ESCO2: variants seen among roughly 807,000 people sequenced by gnomAD.
ESCO2 encodes establishment of sister chromatid cohesion N-acetyltransferase 2.
A neutral mutation model predicts 61.7 loss-of-function variants in ESCO2; 51 were observed. The observed-to-expected ratio is 0.83, with a 90% CI of 0.66 to 1.04. The LOEUF is 1.04. ESCO2 is among the 50% of genes least tolerant of loss of function. The pLI is 0.00. For missense variants in ESCO2, 692 were observed against 686.2 expected (o/e 1.01, Z -0.09); for synonymous variants, 230 against 238.2 (o/e 0.97, Z 0.32).
chr8:27,775,654 C>T, intron 2 of ESCO2, 87 bp downstream of exon 2: 2 of 1,261,496 alleles, frequency 1.6e-6, no homozygotes, highest in Non-Finnish European at 2.3e-6. Context: ...AATTTTCGTT[C>T]TTCCACTAGC....
chr8:27,806,640 A>G (rs1332910193), downstream of ESCO2, among the ~76,000 whole-genome samples: 4 of 144,100 alleles, frequency 2.8e-5, no homozygotes, highest in Non-Finnish European at 3.0e-5. Flanking sequence ...TTTTTTTTAG[A>G]CGGAGTTTTG....
chr8:27,772,682 C>T (rs1804678410), upstream of ESCO2: 8 of 743,466 alleles, frequency 1.1e-5, no homozygotes, highest in Middle Eastern at 4.0e-4. Context: ...CGTCATAACG[C>T]CGGCCGTGGG....
chr8:27,803,295 TTC>T lies in ESCO2; in HGVS notation c.1674-7_1674-6del. 6.2e-7 allele frequency: 1 copy of T among 1,613,476 alleles called. No individual in the cohort carries two copies. Among genetic ancestry groups the T allele is most frequent in the Non-Finnish European group, 8.5e-7 (1 of 1,179,436 alleles). Reference sequence around the variant, plus strand: ...GCTTCCATCATTAAATCATCTTTTCTTCTCTTTTAGGAATTGCTTCATGTTTG... The same window carrying T: ...GCTTCCATCATTAAATCATCTTTTCTTCTTTTAGGAATTGCTTCATGTTTG... On this transcript the variant is annotated splice_polypyrimidine_tract_variant and intron_variant, in intron 10 of 10. Coordinates refer to ENST00000305188, the MANE Select transcript of ESCO2 (RefSeq NM_001017420.3).
In ESCO2 at chr8:27,803,518, T is replaced by G; in HGVS notation, c.*80T>G. ...ATTATAAAATACAAACTATTTAATATCAAAATAAAAAATACCGAGACTCAC... is the reference window on the plus strand; with the variant it reads ...ATTATAAAATACAAACTATTTAATAGCAAAATAAAAAATACCGAGACTCAC... On this transcript the variant is annotated 3_prime_UTR_variant, in exon 11 of 11. Coordinates refer to ENST00000305188, the MANE Select transcript of ESCO2 (RefSeq NM_001017420.3). 1 of 1,549,266 alleles carries G rather than the reference T, an allele frequency of 6.5e-7. No homozygotes were observed. Among genetic ancestry groups the G allele is most frequent in the Non-Finnish European group, 8.7e-7 (1 of 1,151,388 alleles).
chr8:27,786,756 G>C (rs1361409671), intron 5 of ESCO2, among the ~76,000 whole-genome samples: 2 of 147,476 alleles, frequency 1.4e-5, no homozygotes, highest in Non-Finnish European at 3.0e-5. Context: ...GCTTGACTTA[G>C]CTTAATGCAG....
chr8:27,804,969 G>A lies in ESCO2; in HGVS notation c.*1531G>A, dbSNP rs966832362. On this transcript the variant is annotated 3_prime_UTR_variant, in exon 11 of 11. Transcript: ENST00000305188. Reference sequence around the variant, plus strand: ...TGTTAAATAAAATTCAGATAATACAGAAATAGAGATTGCCAAAAGAAGAGG... The same window carrying A: ...TGTTAAATAAAATTCAGATAATACAAAAATAGAGATTGCCAAAAGAAGAGG... 1 of 309,118 alleles carries A rather than the reference G, an allele frequency of 3.2e-6. No homozygotes were observed. The highest frequency in any genetic ancestry group is 4.7e-6 in the Non-Finnish European group (1 of 212,522). The allele number at this position is 309,118 out of a possible 1,614,324, so 19.1% of individuals were successfully genotyped here.
At chr8:27,790,040 T>G (rs1242058627) in intron 7 of ESCO2, among the ~76,000 whole-genome samples, 1 of 152,232 alleles carries the variant, frequency 6.6e-6, no homozygotes, top group Non-Finnish European at 1.5e-5. Context: ...TGCTTCAAAT[T>G]TGACAGCTTT....
chr8:27,787,808 C>G, intron 5 of ESCO2, 77 bp from the exon 6 acceptor site: 1 of 1,129,936 alleles, frequency 8.9e-7, no homozygotes, highest in Non-Finnish European at 1.3e-6. Flanking sequence ...GCAAGGTACT[C>G]TGATAAATGG....
Position 27,804,630 on chromosome 8 carries a change from A to ACT in ESCO2, c.*1195_*1196dup. 1.0e-6 allele frequency: 1 copy of ACT among 985,318 alleles called. No homozygotes were observed. The highest frequency in any genetic ancestry group is 4.7e-5 in the South Asian group (1 of 21,274). The allele number at this position is 985,318 out of a possible 1,614,324, so 61.0% of individuals were successfully genotyped here. On this transcript the variant is annotated 3_prime_UTR_variant, in exon 11 of 11. Transcript: ENST00000305188. The stretch of plus-strand genomic sequence containing the variant: ...CATTCAACTGCTAACTGGCAATAAG[A>ACT]CTCTAGGCAAGTCGTTTTCCAGATT...
downstream of ESCO2, among the ~76,000 whole-genome samples, chr8:27,816,359 T>TATATATATATA (rs1563489324): frequency 8.0e-3 from 1,007 of 126,460 alleles, 19 homozygotes; most frequent in East Asian, 0.038. Flanking sequence ...ATATATATAT[T>TATATATATATA]TATTTATTTA....
At chr8:27,790,565 C>CAAA (rs72583862) in intron 7 of ESCO2, among the ~76,000 whole-genome samples, 129,485 of 151,832 alleles carry the variant, frequency 0.85, 55,434 homozygotes, top group East Asian at 1. Context: ...ACAAAGAAAA[C>CAAA]ATTTTTATTT....
At chr8:27,789,696 G>A (rs544902953) in intron 7 of ESCO2, among the ~76,000 whole-genome samples, 6 of 151,104 alleles carry the variant, frequency 4.0e-5, no homozygotes, top group Admixed American at 1.3e-4. Flanking sequence ...CAGGAGAATC[G>A]CCTGAACCCA....
chr8:27,808,684 C>CAAAAAA (rs34162059), downstream of ESCO2, among the ~76,000 whole-genome samples: 723 of 106,442 alleles, frequency 6.8e-3, 13 homozygotes, highest in East Asian at 0.074. Context: ...GACCCTGTCT[C>CAAAAAA]AAAAAAAAAA....
intron 2 of ESCO2, 116 bp from the exon 3 acceptor site, chr8:27,776,246 T>TG (rs750402872): frequency 6.3e-5 from 48 of 762,790 alleles, no homozygotes; most frequent in East Asian, 3.0e-4. Context: ...ATTGTGTGTA[T>TG]GGGGGGTACA....
chr8:27,792,680 C>A lies in ESCO2; in HGVS notation c.1366C>A (p.Gln456Lys), dbSNP rs759551538. 1.2e-6 allele frequency: 2 copies of A among 1,612,234 alleles called. No individual in the cohort carries two copies. The highest frequency in any genetic ancestry group is 1.7e-6 in the Non-Finnish European group (2 of 1,179,576). Residue 456 changes from glutamine (Q) to lysine (K), a missense_variant, in exon 9 of 11, where the codon CAA becomes AAA. Physicochemically the swap from Gln to Lys is moderately conservative, Grantham distance 53. Coordinates refer to ENST00000305188, the MANE Select transcript of ESCO2 (RefSeq NM_001017420.3). ...SFAIKKVEDV[Q>K]ELVDNELGFQ... ...TTAAAATCATTAGGTAGAAGATGTC[C>A]AAGAACTTGTTGATAATGAATTGGG...
downstream of ESCO2, chr8:27,810,948 G>T: frequency 6.8e-7 from 1 of 1,480,044 alleles, no homozygotes; most frequent in East Asian, 2.3e-5. Flanking sequence ...GTTAGAAATT[G>T]TATTCATACC....
rs1163973507 is a variant in ESCO2, at chr8:27,776,819, ATC to A, written c.513_514del (p.Tyr172Ter). 2 of 1,614,038 alleles carry A rather than the reference ATC, an allele frequency of 1.2e-6. No individual in the cohort carries two copies. Among genetic ancestry groups the A allele is most frequent in the Non-Finnish European group, 1.7e-6 (2 of 1,180,046 alleles). ...TAGAAATTCCAAGCAAAATCGAGTG[ATC>A]TATAAGCCAATTGTGGAGAAGGAAA... Reference protein sequence around the residue: ...NSRNSKQNRVIYKPIVEKENN... With the variant: ...NSRNSKQNRVXYKPIVEKENN... On this transcript the variant is annotated frameshift_variant, in exon 3 of 11. Coordinates refer to ENST00000305188, the MANE Select transcript of ESCO2 (RefSeq NM_001017420.3). LOFTEE classifies it high-confidence loss of function.
At chr8:27,791,622 C>T (rs1006614223) in intron 7 of ESCO2, among the ~76,000 whole-genome samples, 2 of 152,124 alleles carry the variant, frequency 1.3e-5, no homozygotes, top group Admixed American at 6.6e-5. Context: ...TACCCCTCCC[C>T]TACCTGCCCA....
chr8:27,786,313 T>A (rs921861210), intron 5 of ESCO2, among the ~76,000 whole-genome samples: 4 of 152,212 alleles, frequency 2.6e-5, no homozygotes, highest in African/African-American at 9.6e-5. Flanking sequence ...TTTATATTTA[T>A]TGGGTAGAAA....
Sources: allele counts gnomAD v4.1 joint callset (sites outside exome capture counted in the v4.1 genomes callset), GRCh38; gene constraint gnomAD v4.1.1; transcripts MANE v1.5; gene names NCBI Gene and HGNC (gene_info 2026-07-23, HGNC 2026-07-21).